EFCAB6: variants seen among roughly 807,000 people sequenced by gnomAD.
The protein encoded by EFCAB6 is EF-hand calcium-binding domain-containing protein 6.
A neutral mutation model predicts 169.8 loss-of-function variants in EFCAB6; 156 were observed. The observed-to-expected ratio is 0.92, with a 90% CI of 0.81 to 1.05. The LOEUF (loss-of-function observed/expected upper bound fraction) is 1.05, where lower values mean the gene tolerates loss of function less well. EFCAB6 is among the 50% of genes least tolerant of loss of function. The pLI, the probability that EFCAB6 is intolerant of heterozygous loss-of-function variation, is 0.00. For synonymous variants in EFCAB6, 698 were observed against 676.4 expected (o/e 1.03, Z -0.50); for missense variants, 1,800 against 1,829.1 (o/e 0.98, Z 0.29).
chr22:43,713,892 G>A (rs1406542802), intron 9 of EFCAB6, among the ~76,000 whole-genome samples: 1 of 152,108 alleles, frequency 6.6e-6, no homozygotes, highest in African/African-American at 2.4e-5. Context: ...GCCAATATAT[G>A]ATGGGGAAAA....
intron 6 of EFCAB6, 130 bp from the exon 7 acceptor site, chr22:43,736,123 G>A: frequency 1.1e-6 from 1 of 880,756 alleles, no homozygotes; most frequent in Non-Finnish European, 1.6e-6. Context: ...ACAGTGGTAG[G>A]CATGGCAAAA....
chr22:43,537,451 C>G lies in EFCAB6; in HGVS notation c.3974G>C (p.Trp1325Ser), dbSNP rs1013970712. ...CTTGCATTCTTTCAGGAGCTGGCGCCAGCAGCCCTGGATTCTCTTCCGGAG... is the reference window on the plus strand; with the variant it reads ...CTTGCATTCTTTCAGGAGCTGGCGCGAGCAGCCCTGGATTCTCTTCCGGAG... Reference protein sequence around the residue: ...SRLRKRIQGCWRQLLKECKEK... With the variant: ...SRLRKRIQGCSRQLLKECKEK... The change falls in exon 29 of 32, where the codon TGG becomes TCG. Residue 1325 changes from tryptophan (W) to serine (S), a missense_variant. Coordinates refer to ENST00000262726, the MANE Select transcript of EFCAB6 (RefSeq NM_022785.4). This position sits in a 1 kb window ranked among gnomAD's most constrained non-coding sequence, Gnocchi z 4.3. 6.2e-7 allele frequency: 1 copy of G among 1,614,010 alleles called. No homozygotes were observed. Among genetic ancestry groups the G allele is most frequent in the African/African-American group, 1.3e-5 (1 of 74,904 alleles).
chr22:43,683,922 C>T (rs2058095020), intron 11 of EFCAB6, 67 bp from the exon 12 acceptor site: 2 of 1,210,436 alleles, frequency 1.7e-6, no homozygotes, highest in Admixed American at 1.7e-5. Flanking sequence ...TTTCTTAATG[C>T]AAGAAACAAG....
intron 18 of EFCAB6, among the ~76,000 whole-genome samples, chr22:43,633,606 G>A (rs141377120): frequency 2.9e-4 from 44 of 152,276 alleles, no homozygotes; most frequent in Admixed American, 5.9e-4. Context: ...GGTCTACCCC[G>A]TTTCCATTAG....
At chr22:43,736,164 C>T (rs934435802) in intron 6 of EFCAB6, among the ~76,000 whole-genome samples, 171 bp from the exon 7 acceptor site, 3 of 151,964 alleles carry the variant, frequency 2.0e-5, no homozygotes, top group Non-Finnish European at 4.4e-5. Context: ...GAACACTTTG[C>T]ATTTATTGAA....
chr22:43,595,736 A>C (rs972784657), intron 23 of EFCAB6, among the ~76,000 whole-genome samples: 1 of 152,140 alleles, frequency 6.6e-6, no homozygotes, highest in African/African-American at 2.4e-5. Context: ...GAATACTTGC[A>C]AACTTATTCT....
At chr22:43,725,168 T>A (rs1319300581) in intron 8 of EFCAB6, among the ~76,000 whole-genome samples, 5 of 147,586 alleles carry the variant, frequency 3.4e-5, no homozygotes, top group African/African-American at 5.0e-5. Context: ...TAGACGGAGT[T>A]TCATTCTTGT....
In EFCAB6 at chr22:43,557,920, C is replaced by G. The variant is rs112194126; in HGVS notation, c.3421-2824G>C. Among the ~76,000 whole-genome samples, 123 of 152,106 alleles carry G rather than the reference C, an allele frequency of 8.1e-4. 2 individuals carry two copies. Among genetic ancestry groups the G allele is most frequent in the African/African-American group, 2.9e-3 (122 of 41,496 alleles). On this transcript the variant is annotated intron_variant, in intron 26 of 31. Coordinates refer to ENST00000262726, the MANE Select transcript of EFCAB6 (RefSeq NM_022785.4). Reference sequence around the variant, plus strand: ...GTCAACAGATAGCAGAGGCATTTGACAAAATTCAGCAGCTATTCCTGATAA... The same window carrying G: ...GTCAACAGATAGCAGAGGCATTTGAGAAAATTCAGCAGCTATTCCTGATAA...
chr22:43,758,020 T>G (rs1819048825), intron 5 of EFCAB6, among the ~76,000 whole-genome samples: 1 of 152,274 alleles, frequency 6.6e-6, no homozygotes, highest in Admixed American at 6.5e-5. Context: ...CTTTGTCTTT[T>G]AAGTGGACTA....
chr22:43,598,501 A>T (rs920563681), intron 23 of EFCAB6, among the ~76,000 whole-genome samples: 1 of 152,020 alleles, frequency 6.6e-6, no homozygotes, highest in East Asian at 1.9e-4. Context: ...ATTTGATAGT[A>T]CAGTAGGGAA....
intron 11 of EFCAB6, among the ~76,000 whole-genome samples, chr22:43,686,849 TA>T (rs1196990178): frequency 1.3e-5 from 2 of 152,186 alleles, no homozygotes; most frequent in Non-Finnish European, 2.9e-5. Context: ...CGCATCAACA[TA>T]AAATACTTCT....
intron 23 of EFCAB6, among the ~76,000 whole-genome samples, chr22:43,594,919 C>T (rs1376935116): frequency 3.3e-5 from 5 of 152,106 alleles, no homozygotes; most frequent in African/African-American, 9.7e-5. Context: ...AAGTCAACAT[C>T]ATATCAAGTA....
intron 22 of EFCAB6, among the ~76,000 whole-genome samples, chr22:43,600,964 G>A (rs985277339): frequency 6.6e-6 from 1 of 152,118 alleles, no homozygotes; most frequent in African/African-American, 2.4e-5. Flanking sequence ...CACCTCGCCC[G>A]TTCGGCAGTT....
rs2054532560 is a variant in EFCAB6, at chr22:43,626,486, C to G, written c.2426G>C (p.Arg809Thr). 6.2e-7 allele frequency: 1 copy of G among 1,614,194 alleles called. No homozygotes were observed. Among genetic ancestry groups the G allele is most frequent in the Non-Finnish European group, 8.5e-7 (1 of 1,180,044 alleles). ...FREFQNLCEK[R>T]PWRTDEAPQR... ...AGGCGCTTCATCTGTTCTCCATGGT[C>G]TCTTCTCACACAAATTTTGAAATTC... Residue 809 changes from arginine to threonine, a missense_variant, in exon 20 of 32, where the codon AGA (arginine) becomes ACA (threonine). Physicochemically the swap from Arg to Thr is moderately conservative, Grantham distance 71. Transcript: ENST00000262726.
intron 25 of EFCAB6, among the ~76,000 whole-genome samples, chr22:43,578,826 G>A (rs1222716043): frequency 1.6e-5 from 2 of 122,084 alleles, no homozygotes; most frequent in Admixed American, 7.8e-5. Flanking sequence ...TTCCCTACAC[G>A]CAGGCATCAT....
intron 26 of EFCAB6, among the ~76,000 whole-genome samples, chr22:43,562,390 T>C (rs75958693): frequency 0.021 from 3,156 of 152,310 alleles, 112 homozygotes; most frequent in African/African-American, 0.072. Context: ...AATGTATCCA[T>C]GTATCTTGCT....
intron 6 of EFCAB6, among the ~76,000 whole-genome samples, chr22:43,742,712 C>T (rs2060419470): frequency 6.6e-6 from 1 of 152,246 alleles, no homozygotes; most frequent in Admixed American, 6.5e-5. Flanking sequence ...TCCAGCCTGA[C>T]TCCCTGAGCC....
chr22:43,558,563 G>T (rs181594149), intron 26 of EFCAB6, among the ~76,000 whole-genome samples: 1 of 152,084 alleles, frequency 6.6e-6, no homozygotes, highest in African/African-American at 2.4e-5. Context: ...CAGAGAAATC[G>T]TTCATGAAAG....
chr22:43,710,951 AC>A (rs1338830487), intron 10 of EFCAB6, among the ~76,000 whole-genome samples: 5 of 152,244 alleles, frequency 3.3e-5, no homozygotes, highest in African/African-American at 1.2e-4. Flanking sequence ...AATCCAGATT[AC>A]TTCTAAAATT....
Sources: allele counts gnomAD v4.1 joint callset (sites outside exome capture counted in the v4.1 genomes callset), GRCh38; gene constraint gnomAD v4.1.1; non-coding constraint Gnocchi (gnomAD v3.1); transcripts MANE v1.5; gene names NCBI Gene and HGNC (gene_info 2026-07-23, HGNC 2026-07-21).